SOX6: variants seen among roughly 807,000 people sequenced by gnomAD.
The protein encoded by SOX6 is transcription factor SOX-6.
In SOX6, 11 loss-of-function variants were observed where a neutral mutation model predicts 97.8. The observed-to-expected ratio is 0.11, with a 90% CI of 0.07 to 0.19. SOX6 has a LOEUF of 0.19. Among genes scored for constraint, SOX6 ranks in the 10% least tolerant of loss-of-function variants. The pLI, the probability that SOX6 is intolerant of heterozygous loss-of-function variation, is 1.00. For missense variants in SOX6, 810 were observed against 1,039.5 expected (o/e 0.78, Z 3.04); for synonymous variants, 360 against 371.4 (o/e 0.97, Z 0.35).
At chr11:16,583,640 C>CATATATAT (rs1342015213) in intron 4 of SOX6, among the ~76,000 whole-genome samples, 2 of 92,824 alleles carry the variant, frequency 2.2e-5, no homozygotes, top group African/African-American at 3.6e-5. Flanking sequence ...TATATATACA[C>CATATATAT]ATACACACAC....
chr11:16,647,962 A>G (rs540381794), intron 3 of SOX6, among the ~76,000 whole-genome samples: 1 of 152,268 alleles, frequency 6.6e-6, no homozygotes, highest in South Asian at 2.1e-4. Context: ...AGGGTGAAGG[A>G]AGTTTCCAAC....
intron 4 of SOX6, among the ~76,000 whole-genome samples, chr11:16,222,181 C>T (rs1852558926): frequency 6.6e-6 from 1 of 152,040 alleles, no homozygotes; most frequent in Admixed American, 6.6e-5. Context: ...AAAATGTAAA[C>T]CAATGCCACT....
chr11:16,674,421 T>G (rs1590047559), intron 3 of SOX6, among the ~76,000 whole-genome samples: 2 of 152,300 alleles, frequency 1.3e-5, no homozygotes, highest in East Asian at 3.9e-4. Flanking sequence ...AACTCATATT[T>G]GCAAGACCCA....
rs942094134 is a variant in SOX6 at position 16,330,901 on chromosome 11, A to G, written c.237+10111T>C. Among the ~76,000 whole-genome samples the G allele has an allele frequency of 3.9e-5, 6 of 152,242 alleles. No homozygotes were observed. The East Asian group carries it at 7.8e-4, about 20-fold the overall frequency. ...CTAGGAGGTAACTTGTGTTCCCTCT[A>G]AGGCCCCCAGATAAAAAAAGAAAAA... On this transcript the variant is annotated intron_variant, in intron 2 of 15. Transcript: ENST00000683767.
At chr11:16,671,947 T>C (rs1455953162) in intron 3 of SOX6, among the ~76,000 whole-genome samples, 1 of 152,206 alleles carries the variant, frequency 6.6e-6, no homozygotes, top group Non-Finnish European at 1.5e-5. Flanking sequence ...TAACACCAGA[T>C]GTTTCAGCTG....
In SOX6 at chr11:16,067,396, A is replaced by G. The variant is rs376320450; in HGVS notation, c.1102-11495T>C. ...TCCCGTGCTGTTCTCATGATAGTGA[A>G]TAAGTCTTGGGAGATCTGATGGTTT... On this transcript the variant is annotated intron_variant, in intron 9 of 15. Transcript: ENST00000683767. 1.6e-4 allele frequency among the ~76,000 whole-genome samples: 24 copies of G among 152,246 alleles called. No homozygotes were observed. In the East Asian group the frequency reaches 4.3e-3, roughly 27 times the overall value.
At chr11:16,117,301 C>T (rs894898156) in intron 6 of SOX6, among the ~76,000 whole-genome samples, 7 of 150,084 alleles carry the variant, frequency 4.7e-5, no homozygotes, top group African/African-American at 1.2e-4. Flanking sequence ...TGCAGTGAGC[C>T]GAGATCATGC....
chr11:16,361,216 G>A (rs1022027341), upstream of SOX6, among the ~76,000 whole-genome samples: 1 of 152,126 alleles, frequency 6.6e-6, no homozygotes, highest in Admixed American at 6.6e-5. Context: ...GGGTGGCAGA[G>A]TCAAGATTGA....
At chr11:16,175,324 G>A (rs1400252867) in intron 6 of SOX6, among the ~76,000 whole-genome samples, 1 of 151,768 alleles carries the variant, frequency 6.6e-6, no homozygotes, top group Non-Finnish European at 1.5e-5. Flanking sequence ...ATTACTAGGG[G>A]TTTTATATAA....
Position 16,049,924 on chromosome 11 carries a change from T to C in SOX6, c.1266A>G (p.Ala422=). 1 of 1,613,798 alleles carries C rather than the reference T, an allele frequency of 6.2e-7. No individual in the cohort carries two copies. The highest frequency in any genetic ancestry group is 8.5e-7 in the Non-Finnish European group (1 of 1,179,758). ...GTCGGGATGAGAGATTCAGAGGCTGTGCTGCTGCTTCATCCTACAAGAGTT... is the reference window on the plus strand; with the variant it reads ...GTCGGGATGAGAGATTCAGAGGCTGCGCTGCTGCTTCATCCTACAAGAGTT... The part of the protein sequence containing the change: ...PVTQVKDEAA[A]QPLNLSSRPK... Residue 422 remains alanine, a synonymous_variant, in exon 11 of 16, where the codon GCA becomes GCG. Coordinates refer to ENST00000683767, the MANE Select transcript of SOX6 (RefSeq NM_001367873.1).
chr11:16,010,263 G>A (rs1004262747), intron 13 of SOX6, among the ~76,000 whole-genome samples: 16 of 151,846 alleles, frequency 1.1e-4, no homozygotes, highest in African/African-American at 3.9e-4. Flanking sequence ...GAAGAAATGT[G>A]AGAGCAATAG....
At chr11:16,425,442 C>G (rs550557136) in intron 1 of SOX6, among the ~76,000 whole-genome samples, 1 of 152,116 alleles carries the variant, frequency 6.6e-6, no homozygotes, top group Non-Finnish European at 1.5e-5. Context: ...TCCTATTCAG[C>G]GTAGTATTGG....
upstream of SOX6, among the ~76,000 whole-genome samples, chr11:16,359,340 G>A (rs1029875736): frequency 6.6e-6 from 1 of 152,062 alleles, no homozygotes; most frequent in Non-Finnish European, 1.5e-5. Context: ...AAAATATCTA[G>A]TAGGACAGAA....
intron 9 of SOX6, among the ~76,000 whole-genome samples, chr11:16,093,410 C>T (rs1289412191): frequency 1.3e-5 from 2 of 151,860 alleles, no homozygotes; most frequent in African/African-American, 2.4e-5. Context: ...ATGGCATATG[C>T]TAATATAAGG....
chr11:16,245,608 GCT>G, intron 3 of SOX6, among the ~76,000 whole-genome samples: 1 of 151,454 alleles, frequency 6.6e-6, no homozygotes, highest in South Asian at 2.1e-4. Flanking sequence ...GTATTTTAAA[GCT>G]CTGTTATTAT....
upstream of SOX6, among the ~76,000 whole-genome samples, chr11:16,358,227 T>C (rs984313557): frequency 6.6e-6 from 1 of 152,136 alleles, no homozygotes; most frequent in Admixed American, 6.6e-5. Flanking sequence ...TGATAAACCA[T>C]TAAACATCAG....
At chr11:16,649,997 A>G (rs888237429) in intron 3 of SOX6, among the ~76,000 whole-genome samples, 1 of 152,198 alleles carries the variant, frequency 6.6e-6, no homozygotes, top group African/African-American at 2.4e-5. Context: ...TTTATACCAG[A>G]CAAAATAGGC....
intron 1 of SOX6, chr11:16,397,522 CTAAG>C (rs1288329430): frequency 6.6e-6 from 1 of 151,914 alleles, no homozygotes; most frequent in Non-Finnish European, 1.5e-5. Flanking sequence ...CTCATTCTTG[CTAAG>C]TAAAAGCATA....
At chr11:16,278,691 A>G (rs1310919636) in intron 3 of SOX6, among the ~76,000 whole-genome samples, 1 of 152,082 alleles carries the variant, frequency 6.6e-6, no homozygotes, top group East Asian at 1.9e-4. Flanking sequence ...AGATGAAAAT[A>G]ATGTATTTTA....
Sources: gnomAD v4.1 joint callset for allele counts (sites outside exome capture counted in the v4.1 genomes callset) on GRCh38, gnomAD v4.1.1 for gene constraint, MANE v1.5 for transcripts, NCBI Gene and HGNC (gene_info 2026-07-23, HGNC 2026-07-21) for gene names.